Variants in CSMD1 observed in about 807,000 individuals in gnomAD.
CSMD1 encodes CUB and sushi domain-containing protein 1.
A neutral mutation model predicts 417.5 loss-of-function variants in CSMD1; 213 were observed. The observed-to-expected ratio is 0.51, with a 90% CI of 0.46 to 0.57. The LOEUF (loss-of-function observed/expected upper bound fraction) is 0.57. Among genes scored for constraint, CSMD1 ranks in the 20% least tolerant of loss-of-function variants. The pLI, the probability that CSMD1 is intolerant of heterozygous loss-of-function variation, is 0.00. For missense variants in CSMD1, 6,923 were observed against 4,529.7 expected (o/e 1.53, Z -15.17); for synonymous variants, 2,862 against 1,736.8 (o/e 1.65, Z -16.11).
At position 4,433,457 on chromosome 8, in the gene CSMD1, G is replaced by A. The variant is rs572923446; in HGVS notation, c.303-13392C>T. 3.3e-5 allele frequency among the ~76,000 whole-genome samples: 5 copies of A among 152,246 alleles called. No individual in the cohort carries two copies. In the East Asian group the frequency reaches 9.7e-4, roughly 29 times the overall value. The stretch of plus-strand genomic sequence containing the variant: ...GCACATTAAAGGCAATTCCCTGCGA[G>A]GTCAACGCACTGGCTATCTGCAAGC... On this transcript the variant is annotated intron_variant, in intron 2 of 69. Transcript: ENST00000635120.
At chr8:3,733,441 A>G (rs1796371368) in intron 6 of CSMD1, among the ~76,000 whole-genome samples, 2 of 151,464 alleles carry the variant, frequency 1.3e-5, no homozygotes, top group Middle Eastern at 3.4e-3. Flanking sequence ...TGGTGTATGT[A>G]TGCACTAATC....
intron 23 of CSMD1, among the ~76,000 whole-genome samples, chr8:3,313,735 A>G (rs60059714): frequency 0.084 from 12,842 of 152,234 alleles, 697 homozygotes; most frequent in Non-Finnish European, 0.12. Flanking sequence ...ATCTAGAACT[A>G]GAAATACCAT....
intron 3 of CSMD1, among the ~76,000 whole-genome samples, chr8:4,089,943 G>T (rs559069946): frequency 6.6e-6 from 1 of 152,140 alleles, no homozygotes; most frequent in South Asian, 2.1e-4. Flanking sequence ...ATGTATTATT[G>T]TTGAATACGT....
rs761760266 is a variant in CSMD1, at chr8:2,938,405, T to C, written c.*180A>G. ...GAATGAAAACGCATGTGTAGTTTGA[T>C]CCGTAGAAGACCCTGACACATTTGA... On this transcript the variant is annotated 3_prime_UTR_variant, in exon 70 of 70. Coordinates refer to ENST00000635120, the MANE Select transcript of CSMD1 (RefSeq NM_033225.6). 27 of 561,506 alleles carry C rather than the reference T, an allele frequency of 4.8e-5. No individual in the cohort carries two copies. The highest frequency in any genetic ancestry group is 7.6e-5 in the Non-Finnish European group (25 of 329,026). 34.8% of individuals were successfully genotyped at this position (561,506 alleles called of 1,614,324 possible).
At chr8:4,873,899 TAGAA>T (rs1225451386) in intron 1 of CSMD1, among the ~76,000 whole-genome samples, 2 of 151,986 alleles carry the variant, frequency 1.3e-5, no homozygotes, top group Admixed American at 6.5e-5. Context: ...ACAAGGCAAT[TAGAA>T]AGAAGAAAGG....
At chr8:4,732,355 G>GTGTGTT (rs1809947086) in intron 1 of CSMD1, among the ~76,000 whole-genome samples, 2 of 146,940 alleles carry the variant, frequency 1.4e-5, no homozygotes, top group African/African-American at 5.1e-5. Context: ...GTGTGTGTGT[G>GTGTGTT]TGTGTGTGTG....
At chr8:4,015,418 T>G (rs1796473762) in intron 4 of CSMD1, among the ~76,000 whole-genome samples, 1 of 152,080 alleles carries the variant, frequency 6.6e-6, no homozygotes, top group African/African-American at 2.4e-5. Flanking sequence ...GACTGACAGT[T>G]CATATAGAAT....
At chr8:3,055,144 G>T (rs1812131334) in intron 49 of CSMD1, among the ~76,000 whole-genome samples, 1 of 152,124 alleles carries the variant, frequency 6.6e-6, no homozygotes, top group African/African-American at 2.4e-5. Flanking sequence ...GACGAAATGG[G>T]AAAGATGACA....
In CSMD1 at chr8:4,210,375, C is replaced by A. The variant is rs988539138; in HGVS notation, c.416-178276G>T. Among the ~76,000 whole-genome samples the A allele has an allele frequency of 4.6e-5, 7 of 152,296 alleles. No homozygotes were observed. In the South Asian group the frequency reaches 1.0e-3, roughly 23 times the overall value. On this transcript the variant is annotated intron_variant, in intron 3 of 69. Coordinates refer to ENST00000635120, the MANE Select transcript of CSMD1 (RefSeq NM_033225.6). Reference sequence around the variant, plus strand: ...ATACCAACTTTGAGACATTCAAATCCAACTTTTTCTTCTCAGGATTTTATA... The same window carrying A: ...ATACCAACTTTGAGACATTCAAATCAAACTTTTTCTTCTCAGGATTTTATA...
chr8:4,578,416 T>G (rs933243163), intron 2 of CSMD1, among the ~76,000 whole-genome samples: 1 of 147,344 alleles, frequency 6.8e-6, no homozygotes, highest in Non-Finnish European at 1.5e-5. Flanking sequence ...CCTGATCTCA[T>G]GATTCGCCCA....
chr8:3,671,792 C>T (rs924920343), intron 7 of CSMD1, among the ~76,000 whole-genome samples: 1 of 151,722 alleles, frequency 6.6e-6, no homozygotes, highest in Non-Finnish European at 1.5e-5. Flanking sequence ...GAAAGAGCAG[C>T]CCTGGGCTTG....
chr8:3,884,891 T>C (rs540287616), intron 5 of CSMD1, among the ~76,000 whole-genome samples: 11 of 149,914 alleles, frequency 7.3e-5, no homozygotes, highest in African/African-American at 2.7e-4. Flanking sequence ...AAATTATAAC[T>C]TTTATATTAA....
intron 3 of CSMD1, among the ~76,000 whole-genome samples, chr8:4,321,909 C>A (rs1799292923): frequency 6.6e-6 from 1 of 151,906 alleles, no homozygotes; most frequent in Non-Finnish European, 1.5e-5. Context: ...AGACTTTTGC[C>A]TTTTATTACA....
chr8:3,356,974 C>A (rs1434483015), intron 21 of CSMD1, among the ~76,000 whole-genome samples: 1 of 152,008 alleles, frequency 6.6e-6, no homozygotes, highest in East Asian at 1.9e-4. Context: ...GGAGCTGCGG[C>A]CCCTGGGGTT....
chr8:3,945,125 T>C (rs1327791976), intron 5 of CSMD1, among the ~76,000 whole-genome samples: 1 of 145,208 alleles, frequency 6.9e-6, no homozygotes, highest in Non-Finnish European at 1.5e-5. Context: ...TAAGCCTTTG[T>C]AAGTGATACA....
chr8:3,585,295 G>C (rs915349068), intron 9 of CSMD1, among the ~76,000 whole-genome samples: 2 of 152,144 alleles, frequency 1.3e-5, no homozygotes, highest in East Asian at 3.9e-4. Flanking sequence ...AGTTTAAAAT[G>C]TATAAGTCCA....
chr8:4,111,244 A>G (rs1801838842), intron 3 of CSMD1, among the ~76,000 whole-genome samples: 1 of 152,102 alleles, frequency 6.6e-6, no homozygotes, highest in Non-Finnish European at 1.5e-5. Context: ...TTTGCTTTCT[A>G]TTATCATCAG....
chr8:3,248,523 CT>C (rs10663439), intron 26 of CSMD1, among the ~76,000 whole-genome samples: 3,606 of 85,658 alleles, frequency 0.042, 20 homozygotes, highest in South Asian at 0.058. Context: ...AATTCCCTCC[CT>C]TTTTTTTTTT....
At chr8:3,335,053 G>A (rs1364558783) in intron 23 of CSMD1, among the ~76,000 whole-genome samples, 2 of 152,214 alleles carry the variant, frequency 1.3e-5, no homozygotes, top group Non-Finnish European at 2.9e-5. Flanking sequence ...ACAGCTCATG[G>A]CAGAGTGAGA....
Sources: allele counts gnomAD v4.1 joint callset (sites outside exome capture counted in the v4.1 genomes callset), GRCh38; gene constraint gnomAD v4.1.1; transcripts MANE v1.5; gene names NCBI Gene and HGNC (gene_info 2026-07-23, HGNC 2026-07-21).